The following SCN11A variants were observed in gnomAD, a reference collection of about 807,000 sequenced individuals.
SCN11A encodes sodium channel protein type 11 subunit alpha.
Under a neutral mutation model 162.2 loss-of-function variants are expected in SCN11A, and 122 were observed. The ratio of observed to expected loss-of-function variants is 0.75; its 90% CI spans 0.65 to 0.87. The LOEUF (loss-of-function observed/expected upper bound fraction) is 0.87. SCN11A is among the 40% of genes least tolerant of loss of function. The pLI is 0.00. For synonymous variants in SCN11A, 758 were observed against 751.5 expected (o/e 1.01, Z -0.14); for missense variants, 2,015 against 2,181.6 (o/e 0.92, Z 1.52).
chr3:38,863,886 T>C (rs2126089810), intron 27 of SCN11A, among the ~76,000 whole-genome samples: 1 of 152,214 alleles, frequency 6.6e-6, no homozygotes, highest in South Asian at 2.1e-4. Flanking sequence ...TCTTTTAAAA[T>C]GTAAAGCTGA....
intron 28 of SCN11A, among the ~76,000 whole-genome samples, chr3:38,861,281 T>C (rs552495623): frequency 6.6e-6 from 1 of 152,210 alleles, no homozygotes; most frequent in East Asian, 1.9e-4. Context: ...TGCTCATGGA[T>C]AGGTAGAATT....
rs891336778 is a variant in SCN11A, at chr3:38,846,335, A to C, written c.*359T>G. 2.0e-5 allele frequency: 4 copies of C among 202,536 alleles called. No homozygotes were observed. Among genetic ancestry groups the C allele is most frequent in the Admixed American group, 1.6e-4 (3 of 19,242 alleles). 12.5% of individuals were successfully genotyped at this position (202,536 alleles called of 1,614,324 possible). On this transcript the variant is annotated 3_prime_UTR_variant, in exon 30 of 30. Transcript: ENST00000302328. ...CATCATGTTGGCCAGGATGGTCTCG[A>C]TCTCTTGACCTCGTGATCCACCTGC... is the stretch of plus-strand genomic sequence containing the variant.
rs1280953509 is a variant in SCN11A at position 38,897,032 on chromosome 3, G to C, written c.2216C>G (p.Thr739Arg). 3 of 1,614,134 alleles carry C rather than the reference G, an allele frequency of 1.9e-6. No individual in the cohort carries two copies. Among genetic ancestry groups the C allele is most frequent in the Non-Finnish European group, 1.7e-6 (2 of 1,180,012 alleles). Reference sequence around the variant, plus strand: ...CCGTAAACATGAGACTGTCGGGCCTGTCGGGTTACAGAGTTTTGGACTCTT... The same window carrying C: ...CCGTAAACATGAGACTGTCGGGCCTCTCGGGTTACAGAGTTTTGGACTCTT... Reference protein sequence around the residue: ...SQKSPKLCNPTGPTVSCLRHW... With the variant: ...SQKSPKLCNPRGPTVSCLRHW... The change falls in exon 18 of 30, where the codon ACA (threonine) becomes AGA (arginine). Residue 739 changes from threonine to arginine, a missense_variant. Thr to Arg is a moderately conservative substitution (Grantham distance 71, BLOSUM62 -1). Transcript: ENST00000302328.
intron 11 of SCN11A, among the ~76,000 whole-genome samples, chr3:38,918,155 G>A (rs928695400): frequency 6.6e-6 from 1 of 152,088 alleles, no homozygotes; most frequent in African/African-American, 2.4e-5. Context: ...CAAGGCTGCT[G>A]CTTCTGCCTG....
At chr3:38,950,054 A>AACACCC in intron 5 of SCN11A, 42 bp downstream of exon 5, 1 of 370,262 alleles carries the variant, frequency 2.7e-6, no homozygotes, top group Non-Finnish European at 4.9e-6. Flanking sequence ...GCATGGTTAG[A>AACACCC]ACACCCCCAC....
At position 38,847,071 on chromosome 3, in the gene SCN11A, A is replaced by G; in HGVS notation, c.4999T>C (p.Phe1667Leu). The G allele has an allele frequency of 6.2e-7, 1 of 1,614,122 alleles. No individual in the cohort carries two copies. Reference sequence around the variant, plus strand: ...ACCATGGGCAAGTCCATTACTAGAAATTGATATTTATTTGGCTTTGCGACA... The same window carrying G: ...ACCATGGGCAAGTCCATTACTAGAAGTTGATATTTATTTGGCTTTGCGACA... Reference protein sequence around the residue: ...LRVAKPNKYQFLVMDLPMVSE... With the variant: ...LRVAKPNKYQLLVMDLPMVSE... Residue 1667 changes from phenylalanine (F) to leucine (L), a missense_variant, in exon 30 of 30, where the codon TTT becomes CTT. Phe to Leu is a conservative substitution (Grantham distance 22). Transcript: ENST00000302328.
In SCN11A at chr3:38,945,871, C is replaced by G. The variant is rs188178984; in HGVS notation, c.387-359G>C. Among the ~76,000 whole-genome samples the G allele has an allele frequency of 2.4e-3, 358 of 152,270 alleles. 5 individuals are homozygous for G. Among genetic ancestry groups the G allele is most frequent in the Non-Finnish European group, 2.0e-3 (138 of 68,012 alleles). ...CCTTGCTTGGCTCTTTGTTTTCCCC[C>G]CTTCTGCTTCCCTTTCTCCTTCTCC... On this transcript the variant is annotated intron_variant, in intron 6 of 29. Coordinates refer to ENST00000302328, the MANE Select transcript of SCN11A (RefSeq NM_001349253.2).
chr3:39,047,052 A>AC (rs2032201833), intron 1 of SCN11A, among the ~76,000 whole-genome samples: 1 of 15,882 alleles, frequency 6.3e-5, no homozygotes, highest in African/African-American at 3.2e-4. Flanking sequence ...CCATCCCCCC[A>AC]CCCCCACCCC....
chr3:38,881,333 T>C (rs2065305625), intron 22 of SCN11A, among the ~76,000 whole-genome samples: 1 of 152,202 alleles, frequency 6.6e-6, no homozygotes, highest in African/African-American at 2.4e-5. Context: ...CTACTAGACT[T>C]CAGGCTCCTG....
chr3:39,051,909 C>A lies in SCN11A; in HGVS notation c.-452G>T. ...ACAGCAACTAACAGCACCGAGGAAA[C>A]ACAACAGCCTGTTTACCTTCAGCCC... On this transcript the variant is annotated 5_prime_UTR_variant, in exon 1 of 30. Coordinates refer to ENST00000302328, the MANE Select transcript of SCN11A (RefSeq NM_001349253.2). 7.7e-7 allele frequency: 1 copy of A among 1,305,324 alleles called. No individual in the cohort carries two copies. The highest frequency in any genetic ancestry group is 1.1e-6 in the Non-Finnish European group (1 of 919,506). 80.9% of individuals were successfully genotyped at this position (1,305,324 alleles called of 1,614,324 possible). A position where few individuals can be genotyped will look rare whatever the true frequency, so the allele number is the denominator to read the frequency against.
At chr3:38,882,023 C>T (rs528581783) in intron 22 of SCN11A, among the ~76,000 whole-genome samples, 37 of 152,284 alleles carry the variant, frequency 2.4e-4, no homozygotes, top group African/African-American at 8.4e-4. Context: ...ACTTGAGTAA[C>T]AGTAGACAGC....
At chr3:38,938,538 ATATATATATATATTTTTTTTTTTTTTTTT>A (rs1469105553) in intron 7 of SCN11A, among the ~76,000 whole-genome samples, 577 of 23,930 alleles carry the variant, frequency 0.024, 16 homozygotes, top group African/African-American at 0.099. Flanking sequence ...ATATATATAT[ATATATATATATATTTTTTTTTTTTTTTTT>A]TTTTTTTTTT....
At chr3:38,867,015 T>A (rs759958015) in intron 27 of SCN11A, among the ~76,000 whole-genome samples, 30 of 152,222 alleles carry the variant, frequency 2.0e-4, no homozygotes, top group Non-Finnish European at 3.5e-4. Context: ...TAAATACTAA[T>A]CCTGGTGGTT....
intron 4 of SCN11A, 78 bp from the exon 5 acceptor site, chr3:38,950,447 G>T: frequency 7.0e-7 from 1 of 1,434,374 alleles, no homozygotes; most frequent in Non-Finnish European, 9.7e-7. Context: ...TAGGATTCCA[G>T]TCTTAAAGGA....
At chr3:38,882,846 C>T (rs2065331683) in intron 22 of SCN11A, among the ~76,000 whole-genome samples, 3 of 152,116 alleles carry the variant, frequency 2.0e-5, no homozygotes, top group Admixed American at 2.0e-4. Context: ...AATATTTTAC[C>T]TTTCAGAAAA....
At chr3:38,951,950 G>A (rs146170334) in intron 4 of SCN11A, among the ~76,000 whole-genome samples, 38 of 152,106 alleles carry the variant, frequency 2.5e-4, no homozygotes, top group Middle Eastern at 3.4e-3. Flanking sequence ...GTGGCAACCC[G>A]CTGGGGTCCC....
At chr3:38,967,807 A>C (rs1477413371) in intron 2 of SCN11A, among the ~76,000 whole-genome samples, 2 of 152,204 alleles carry the variant, frequency 1.3e-5, no homozygotes, top group African/African-American at 2.4e-5. Flanking sequence ...AGGGCTACTC[A>C]CACATGTCAG....
At chr3:39,022,328 C>T (rs72858046) in intron 2 of SCN11A, among the ~76,000 whole-genome samples, 11,508 of 152,230 alleles carry the variant, frequency 0.076, 590 homozygotes, top group African/African-American at 0.14. Flanking sequence ...CTGTGCTACA[C>T]ATAAATTTCT....
At chr3:38,858,298 T>C (rs1280475627) in intron 28 of SCN11A, among the ~76,000 whole-genome samples, 1 of 152,102 alleles carries the variant, frequency 6.6e-6, no homozygotes, top group Non-Finnish European at 1.5e-5. Context: ...AGGACTCATA[T>C]AAACTTAAGG....
Sources: gnomAD v4.1 joint callset for allele counts (sites outside exome capture counted in the v4.1 genomes callset) on GRCh38, gnomAD v4.1.1 for gene constraint, MANE v1.5 for transcripts, NCBI Gene and HGNC (gene_info 2026-07-23, HGNC 2026-07-21) for gene names.